The following TLK2 variants were observed in gnomAD, a reference collection of about 807,000 sequenced individuals.
TLK2 encodes serine/threonine-protein kinase tousled-like 2.
A neutral mutation model predicts 117.3 loss-of-function variants in TLK2; 6 were observed. The ratio of observed to expected loss-of-function variants is 0.05; its 90% CI spans 0.03 to 0.10. The LOEUF (loss-of-function observed/expected upper bound fraction) is 0.10. TLK2 is among the 10% of genes least tolerant of loss of function. TLK2 has a pLI of 1.00. For missense variants in TLK2, 299 were observed against 901.2 expected (o/e 0.33, Z 8.56); for synonymous variants, 257 against 316.7 (o/e 0.81, Z 2.00).
chr17:62,601,957 T>A (rs1395707489), intron 18 of TLK2, 85 bp from the exon 19 acceptor site: 1 of 1,236,350 alleles, frequency 8.1e-7, no homozygotes, highest in Non-Finnish European at 1.1e-6. Context: ...TGAGTTCAGT[T>A]GTCCCCTTCT....
intron 1 of TLK2, among the ~76,000 whole-genome samples, chr17:62,472,567 T>C (rs374730653): frequency 2.0e-5 from 3 of 151,896 alleles, no homozygotes; most frequent in East Asian, 3.9e-4. Flanking sequence ...TGAAACCCCG[T>C]CTCTACTAAA....
chr17:62,593,015 C>T (rs1489120660), intron 16 of TLK2, among the ~76,000 whole-genome samples: 1 of 152,200 alleles, frequency 6.6e-6, no homozygotes, highest in Non-Finnish European at 1.5e-5. Context: ...GTCATGCGAG[C>T]TATGGGGAGC....
At chr17:62,553,116 C>T (rs2078599239) in intron 8 of TLK2, among the ~76,000 whole-genome samples, 1 of 152,106 alleles carries the variant, frequency 6.6e-6, no homozygotes, top group Non-Finnish European at 1.5e-5. Context: ...ATATATATTA[C>T]CTTCAAGACA....
chr17:62,505,952 C>T lies in TLK2; in HGVS notation c.82-14821C>T, dbSNP rs1263642703. Reference sequence around the variant, plus strand: ...AAGTGATCCTCCTGCCTCGGCCTCCCGAAGTGCTGGGATTACAGGTGTGAG... The same window carrying T: ...AAGTGATCCTCCTGCCTCGGCCTCCTGAAGTGCTGGGATTACAGGTGTGAG... On this transcript the variant is annotated intron_variant, in intron 2 of 21. Coordinates refer to ENST00000346027, the MANE Select transcript of TLK2 (RefSeq NM_006852.6). Among the ~76,000 whole-genome samples, 9 of 152,338 alleles carry T rather than the reference C, an allele frequency of 5.9e-5. No individual in the cohort carries two copies. The East Asian group carries it at 9.6e-4, about 16-fold the overall frequency.
intron 9 of TLK2, among the ~76,000 whole-genome samples, chr17:62,559,225 C>T (rs1239560790): frequency 3.3e-5 from 5 of 152,072 alleles, no homozygotes; most frequent in African/African-American, 4.8e-5. Flanking sequence ...CATGGGCGTG[C>T]CTGGCTTCTC....
At chr17:62,601,488 C>T (rs1377764819) in intron 18 of TLK2, among the ~76,000 whole-genome samples, 4 of 152,196 alleles carry the variant, frequency 2.6e-5, no homozygotes, top group Admixed American at 6.5e-5. Context: ...ATTGACTATT[C>T]TCTAATGTTC....
At chr17:62,588,222 C>G (rs1567978069) in intron 16 of TLK2, among the ~76,000 whole-genome samples, 4 of 152,036 alleles carry the variant, frequency 2.6e-5, no homozygotes, top group African/African-American at 7.2e-5. Flanking sequence ...TTTGCCTAGT[C>G]TCAGTATCCA....
At chr17:62,554,079 A>G (rs1322184691) in intron 9 of TLK2, among the ~76,000 whole-genome samples, 1 of 152,182 alleles carries the variant, frequency 6.6e-6, no homozygotes, top group East Asian at 1.9e-4. Flanking sequence ...AGTTATTTTA[A>G]TATTGTTGAA....
chr17:62,507,567 T>A (rs1272852667), intron 2 of TLK2: 1 of 152,208 alleles, frequency 6.6e-6, no homozygotes, highest in East Asian at 1.9e-4. Flanking sequence ...TGCTTCTTTA[T>A]ACCTAGGCAG....
intron 2 of TLK2, among the ~76,000 whole-genome samples, chr17:62,482,484 C>T (rs2071794209): frequency 6.8e-6 from 1 of 148,048 alleles, no homozygotes; most frequent in Non-Finnish European, 1.5e-5. Context: ...GAGCCTTGCT[C>T]TGTCACCCAG....
chr17:62,525,446 A>G (rs892166646), intron 6 of TLK2, among the ~76,000 whole-genome samples: 23 of 142,704 alleles, frequency 1.6e-4, no homozygotes, highest in African/African-American at 6.0e-4. Context: ...TGCCATATAT[A>G]TGTAATTTTT....
intron 2 of TLK2, among the ~76,000 whole-genome samples, chr17:62,500,164 G>T (rs1346095566): frequency 1.3e-5 from 2 of 151,614 alleles, no homozygotes; most frequent in Admixed American, 6.6e-5. Flanking sequence ...TAAACTCCTG[G>T]GCTCAAGTGA....
chr17:62,578,716 A>G (rs1396227053), intron 14 of TLK2, 142 bp downstream of exon 14: 1 of 610,142 alleles, frequency 1.6e-6, no homozygotes, highest in African/African-American at 1.9e-5. Flanking sequence ...AGCATCTAAT[A>G]CAATTTTGTG....
intron 15 of TLK2, among the ~76,000 whole-genome samples, chr17:62,581,090 G>A (rs369159267): frequency 1.3e-5 from 2 of 151,658 alleles, no homozygotes; most frequent in East Asian, 1.9e-4. Context: ...ATAGTTCATT[G>A]CAGCCTCAAA....
chr17:62,580,341 C>T (rs2081117286), intron 15 of TLK2, 149 bp downstream of exon 15: 1 of 533,460 alleles, frequency 1.9e-6, no homozygotes. Flanking sequence ...GGGAAAACAG[C>T]TTTCAATAAA....
chr17:62,522,014 G>T (rs2076078694), intron 3 of TLK2, among the ~76,000 whole-genome samples, 190 bp from the exon 4 acceptor site: 1 of 152,158 alleles, frequency 6.6e-6, no homozygotes, highest in African/African-American at 2.4e-5. Context: ...GCCAAAAATT[G>T]TGTGGATGGT....
chr17:62,482,238 T>C (rs1381961551), intron 2 of TLK2, among the ~76,000 whole-genome samples: 2 of 152,178 alleles, frequency 1.3e-5, no homozygotes, highest in East Asian at 3.9e-4. Context: ...CAGGAGCCAC[T>C]GTGCCTGGCT....
chr17:62,606,957 C>G (rs2083347673), intron 20 of TLK2, among the ~76,000 whole-genome samples: 1 of 151,468 alleles, frequency 6.6e-6, no homozygotes, highest in African/African-American at 2.4e-5. Context: ...TGATTACATT[C>G]CCCAGACCAG....
At chr17:62,580,841 G>A (rs2081162907) in intron 15 of TLK2, among the ~76,000 whole-genome samples, 1 of 152,160 alleles carries the variant, frequency 6.6e-6, no homozygotes, top group African/African-American at 2.4e-5. Context: ...AGTAGTCTTT[G>A]TTGCATAGCT....
Sources: allele counts gnomAD v4.1 joint callset (sites outside exome capture counted in the v4.1 genomes callset), GRCh38; gene constraint gnomAD v4.1.1; transcripts MANE v1.5; gene names NCBI Gene and HGNC (gene_info 2026-07-23, HGNC 2026-07-21).